The following PTPRD variants were observed in gnomAD, a reference collection of about 807,000 sequenced individuals.
PTPRD encodes protein tyrosine phosphatase receptor type D, also known as receptor-type tyrosine-protein phosphatase delta.
A neutral mutation model predicts 214.5 loss-of-function variants in PTPRD; 34 were observed. That is an observed-to-expected ratio of 0.16 (90% CI 0.12 to 0.21). PTPRD has a LOEUF of 0.21. Ranked by LOEUF, PTPRD falls within the 10% of genes least tolerant of loss-of-function variation. The probability of loss-of-function intolerance (pLI) is 1.00; values close to 1 mark genes in which losing one functional copy is unlikely to be tolerated. For missense variants in PTPRD, 2,545 were observed against 2,398.7 expected, an observed-to-expected ratio of 1.06 and a Z score of -1.27; for synonymous variants, 1,128 against 845.7, an observed-to-expected ratio of 1.33 and a Z score of -5.79.
intron 14 of PTPRD, among the ~76,000 whole-genome samples, chr9:8,601,744 T>G (rs1244130278): frequency 6.6e-6 from 1 of 152,188 alleles, no homozygotes; most frequent in African/African-American, 2.4e-5. Flanking sequence ...TGTCACAGAG[T>G]AAATTCTTAA....
intron 4 of PTPRD, among the ~76,000 whole-genome samples, chr9:9,981,485 G>A (rs2095541987): frequency 6.6e-6 from 1 of 151,572 alleles, no homozygotes; most frequent in African/African-American, 2.4e-5. Context: ...CTCCCGAGTA[G>A]CTGGGACTAC....
At chr9:9,624,959 G>T (rs1377432005) in intron 7 of PTPRD, among the ~76,000 whole-genome samples, 2 of 152,044 alleles carry the variant, frequency 1.3e-5, no homozygotes, top group East Asian at 1.9e-4. Flanking sequence ...CAATATTAAA[G>T]AATTATTGCA....
intron 9 of PTPRD, among the ~76,000 whole-genome samples, chr9:9,317,501 C>T (rs1034253327): frequency 6.6e-6 from 1 of 151,990 alleles, no homozygotes; most frequent in Admixed American, 6.6e-5. Context: ...TTCTGTCTAC[C>T]CCACCTCCTA....
chr9:9,159,791 C>T (rs996252767), intron 10 of PTPRD, among the ~76,000 whole-genome samples: 3 of 152,106 alleles, frequency 2.0e-5, no homozygotes, highest in Admixed American at 1.3e-4. Flanking sequence ...GAGGCTCACG[C>T]TTCATGATTT....
chr9:8,506,662 T>C (rs567658846), intron 22 of PTPRD, among the ~76,000 whole-genome samples: 1 of 150,260 alleles, frequency 6.7e-6, no homozygotes, highest in Admixed American at 6.6e-5. Context: ...ACATGCATTA[T>C]TGATGGTGAA....
intron 9 of PTPRD, among the ~76,000 whole-genome samples, chr9:9,357,933 G>A (rs1004511900): frequency 6.6e-6 from 1 of 150,598 alleles, no homozygotes; most frequent in Admixed American, 6.6e-5. Context: ...TTTCTATTCT[G>A]TAATGCTTTA....
At chr9:10,260,406 C>G (rs1381375502) in intron 3 of PTPRD, among the ~76,000 whole-genome samples, 1 of 152,164 alleles carries the variant, frequency 6.6e-6, no homozygotes, top group Non-Finnish European at 1.5e-5. Context: ...CTCCAGGTCT[C>G]AGTTTTTTTT....
chr9:9,923,583 C>T (rs1042171750), intron 5 of PTPRD, among the ~76,000 whole-genome samples: 2 of 151,762 alleles, frequency 1.3e-5, no homozygotes, highest in Non-Finnish European at 2.9e-5. Context: ...AAGCATACAA[C>T]AAAACAATTT....
At chr9:9,279,470 C>G (rs1946880888) in intron 9 of PTPRD, among the ~76,000 whole-genome samples, 1 of 149,748 alleles carries the variant, frequency 6.7e-6, no homozygotes, top group Non-Finnish European at 1.5e-5. Flanking sequence ...CCTTCTTTTC[C>G]CTTTCTTAAT....
intron 2 of PTPRD, among the ~76,000 whole-genome samples, chr9:10,523,601 G>GTATATATATATATA (rs201455705): frequency 0.021 from 1,373 of 64,280 alleles, 122 homozygotes; most frequent in East Asian, 0.055. Context: ...ATATTTATCT[G>GTATATATATATATA]TATATATATA....
At chr9:8,965,729 A>C (rs1414616497) in intron 11 of PTPRD, among the ~76,000 whole-genome samples, 1 of 152,156 alleles carries the variant, frequency 6.6e-6, no homozygotes, top group Non-Finnish European at 1.5e-5. Context: ...AACTGGAAGA[A>C]AACAAGGATG....
chr9:9,435,983 C>G (rs1401225414), intron 8 of PTPRD, among the ~76,000 whole-genome samples: 1 of 152,096 alleles, frequency 6.6e-6, no homozygotes, highest in African/African-American at 2.4e-5. Context: ...ACCTTTTTCT[C>G]CATTTCTGCC....
intron 11 of PTPRD, among the ~76,000 whole-genome samples, chr9:8,992,470 G>T (rs926249562): frequency 6.6e-6 from 1 of 152,006 alleles, no homozygotes; most frequent in Non-Finnish European, 1.5e-5. Context: ...GTTGCTCAGA[G>T]GCTCTCACTC....
At chr9:9,816,233 T>C (rs927939770) in intron 5 of PTPRD, among the ~76,000 whole-genome samples, 3 of 152,140 alleles carry the variant, frequency 2.0e-5, no homozygotes, top group Non-Finnish European at 4.4e-5. Flanking sequence ...TTCTAACATG[T>C]TTTATGCTAA....
chr9:9,208,020 C>CATTTTTTTTTTTTTTTTT (rs1554981097), intron 9 of PTPRD, among the ~76,000 whole-genome samples: 1 of 53,260 alleles, frequency 1.9e-5, no homozygotes, highest in African/African-American at 5.4e-5. Context: ...TATATATCTG[C>CATTTTTTTTTTTTTTTTT]TTTTTTTTTT....
chr9:10,041,887 T>G (rs2097302456), intron 3 of PTPRD, among the ~76,000 whole-genome samples: 1 of 152,062 alleles, frequency 6.6e-6, no homozygotes, highest in South Asian at 2.1e-4. Context: ...ATATAACATA[T>G]GATCTCATCT....
chr9:10,162,738 T>C (rs867528836), intron 3 of PTPRD, among the ~76,000 whole-genome samples: 1 of 146,386 alleles, frequency 6.8e-6, no homozygotes, highest in Non-Finnish European at 1.5e-5. Flanking sequence ...TGTACATATA[T>C]ATATACATAT....
intron 10 of PTPRD, among the ~76,000 whole-genome samples, chr9:9,026,849 C>T (rs2099589045): frequency 6.6e-6 from 1 of 151,800 alleles, no homozygotes; most frequent in Admixed American, 6.6e-5. Context: ...CCTCTTTTCT[C>T]TAAGCTGGAC....
chr9:9,154,841 T>C (rs1314155682), intron 10 of PTPRD, among the ~76,000 whole-genome samples: 1 of 152,188 alleles, frequency 6.6e-6, no homozygotes, highest in Non-Finnish European at 1.5e-5. Flanking sequence ...CTATATTTTA[T>C]ACCAATGTAA....
Sources: gnomAD v4.1 joint callset for allele counts (sites outside exome capture counted in the v4.1 genomes callset) on GRCh38, gnomAD v4.1.1 for gene constraint, MANE v1.5 for transcripts, NCBI Gene and HGNC (gene_info 2026-07-23, HGNC 2026-07-21) for gene names.